The following RBFOX1 variants were observed in gnomAD, a reference collection of about 807,000 sequenced individuals.
The protein encoded by RBFOX1 is RNA binding fox-1 homolog 1.
Under a neutral mutation model 57.7 loss-of-function variants are expected in RBFOX1, and 8 were observed. The ratio of observed to expected loss-of-function variants is 0.14; its 90% confidence interval spans 0.08 to 0.25. RBFOX1 has a LOEUF of 0.25. Among genes scored for constraint, RBFOX1 ranks in the 10% least tolerant of loss-of-function variants. The pLI, the probability that RBFOX1 is intolerant of heterozygous loss-of-function variation, is 1.00. For synonymous variants in RBFOX1, 326 were observed against 222.4 expected (o/e 1.47, Z -4.15); for missense variants, 611 against 548.5 (o/e 1.11, Z -1.14).
chr16:7,533,989 G>C (rs181140391), intron 5 of RBFOX1, among the ~76,000 whole-genome samples: 2 of 152,010 alleles, frequency 1.3e-5, no homozygotes, highest in Non-Finnish European at 2.9e-5. Flanking sequence ...GACTCTAAAC[G>C]GTTGTGTAAA....
At chr16:5,914,295 A>T (rs1381566306) in intron 4 of RBFOX1, among the ~76,000 whole-genome samples, 2 of 152,210 alleles carry the variant, frequency 1.3e-5, no homozygotes, top group African/African-American at 4.8e-5. Flanking sequence ...AATTTTTATT[A>T]TCCCCAATTT....
At chr16:7,354,150 T>C (rs2097174685) in intron 4 of RBFOX1, among the ~76,000 whole-genome samples, 1 of 151,998 alleles carries the variant, frequency 6.6e-6, no homozygotes, top group Admixed American at 6.6e-5. Context: ...TTTGTAGTTT[T>C]AGTAGAGAAA....
intron 2 of RBFOX1, among the ~76,000 whole-genome samples, chr16:6,546,593 G>A (rs1251259477): frequency 6.6e-6 from 1 of 152,094 alleles, no homozygotes; most frequent in East Asian, 1.9e-4. Context: ...TCTTCCTTCT[G>A]TCTGTGTCTG....
intron 4 of RBFOX1, among the ~76,000 whole-genome samples, chr16:6,001,551 C>G (rs571446955): frequency 1.1e-4 from 17 of 152,068 alleles, no homozygotes; most frequent in African/African-American, 4.1e-4. Flanking sequence ...AATGTTTTCC[C>G]GAGATAAGTG....
chr16:5,967,596 A>T (rs1222236313), intron 4 of RBFOX1, among the ~76,000 whole-genome samples: 1 of 152,226 alleles, frequency 6.6e-6, no homozygotes, highest in Non-Finnish European at 1.5e-5. Context: ...AGGATAAAAT[A>T]CACCATGGGC....
At chr16:6,066,287 C>G (rs1347717337) in intron 1 of RBFOX1, among the ~76,000 whole-genome samples, 1 of 71,070 alleles carries the variant, frequency 1.4e-5, no homozygotes, top group Admixed American at 2.2e-4. Flanking sequence ...GAGCAAGACT[C>G]TGTCTCAAAA....
intron 4 of RBFOX1, among the ~76,000 whole-genome samples, chr16:7,213,579 GT>G (rs2091533489): frequency 6.6e-6 from 1 of 151,830 alleles, no homozygotes; most frequent in Non-Finnish European, 1.5e-5. Context: ...CACAAACAAG[GT>G]GGGAAATCAT....
At chr16:6,803,477 G>A (rs887146383) in intron 3 of RBFOX1, among the ~76,000 whole-genome samples, 10 of 152,162 alleles carry the variant, frequency 6.6e-5, no homozygotes, top group African/African-American at 2.4e-4. Context: ...CCTAGGGACT[G>A]AAATTTTTAG....
intron 1 of RBFOX1, among the ~76,000 whole-genome samples, chr16:6,052,790 T>TA (rs2095567693): frequency 9.2e-6 from 1 of 108,240 alleles, no homozygotes; most frequent in Non-Finnish European, 1.8e-5. Flanking sequence ...TCTCAAAAAA[T>TA]AAATAAAATA....
At chr16:6,255,318 C>T (rs767453269) in intron 1 of RBFOX1, among the ~76,000 whole-genome samples, 2 of 152,122 alleles carry the variant, frequency 1.3e-5, no homozygotes, top group Non-Finnish European at 2.9e-5. Context: ...TACCCAGGTT[C>T]ACTTGGGGCC....
At chr16:7,359,620 C>G (rs886229055) in intron 4 of RBFOX1, among the ~76,000 whole-genome samples, 3 of 152,166 alleles carry the variant, frequency 2.0e-5, no homozygotes, top group African/African-American at 4.8e-5. Context: ...CTTCCCCTGT[C>G]CACAATGGCT....
chr16:5,298,388 G>A (rs1181665403), intron 1 of RBFOX1, among the ~76,000 whole-genome samples: 1 of 151,458 alleles, frequency 6.6e-6, no homozygotes, highest in East Asian at 1.9e-4. Context: ...AAGAATGATG[G>A]CGTTTTGATT....
chr16:5,322,836 G>A (rs1227396773), intron 1 of RBFOX1, among the ~76,000 whole-genome samples: 1 of 152,118 alleles, frequency 6.6e-6, no homozygotes, highest in Non-Finnish European at 1.5e-5. Context: ...AATGCACTTA[G>A]GGCACTTAGC....
intron 2 of RBFOX1, among the ~76,000 whole-genome samples, chr16:6,594,832 A>T (rs920771008): frequency 6.6e-6 from 1 of 152,186 alleles, no homozygotes; most frequent in African/African-American, 2.4e-5. Context: ...TCCGTCGCCC[A>T]GGCTGGAGTG....
At chr16:5,930,232 TGGA>T (rs2059021201) in intron 4 of RBFOX1, among the ~76,000 whole-genome samples, 2 of 118,094 alleles carry the variant, frequency 1.7e-5, no homozygotes, top group African/African-American at 6.7e-5. Context: ...GATGGATGGA[TGGA>T]TGGATGGATG....
At chr16:5,819,311 G>A (rs548433940) in intron 3 of RBFOX1, among the ~76,000 whole-genome samples, 1 of 152,258 alleles carries the variant, frequency 6.6e-6, no homozygotes, top group Non-Finnish European at 1.5e-5. Flanking sequence ...CATTCATGAA[G>A]GCTTATGCCT....
intron 2 of RBFOX1, among the ~76,000 whole-genome samples, chr16:6,643,378 A>T (rs2098508003): frequency 6.6e-6 from 1 of 151,738 alleles, no homozygotes; most frequent in African/African-American, 2.4e-5. Context: ...TTCTTCATGT[A>T]TTCAAGTAAA....
chr16:6,803,916 T>G (rs2086087666), intron 3 of RBFOX1, among the ~76,000 whole-genome samples: 1 of 152,182 alleles, frequency 6.6e-6, no homozygotes, highest in African/African-American at 2.4e-5. Context: ...TTACCATTGT[T>G]GTAGATCTGG....
chr16:5,749,282 C>G (rs561233346), intron 3 of RBFOX1, among the ~76,000 whole-genome samples: 3 of 152,294 alleles, frequency 2.0e-5, no homozygotes, highest in East Asian at 3.9e-4. Context: ...ACCTTTCTCT[C>G]TGGCTGCCCT....
Sources: gnomAD v4.1 joint callset for allele counts (sites outside exome capture counted in the v4.1 genomes callset) on GRCh38, gnomAD v4.1.1 for gene constraint, MANE v1.5 for transcripts, NCBI Gene and HGNC (gene_info 2026-07-23, HGNC 2026-07-21) for gene names.